The following ZNF398 variants were observed in gnomAD, a reference collection of about 807,000 sequenced individuals.
The protein encoded by ZNF398 is zinc finger protein 398.
ZNF398 carries 18 observed loss-of-function variants against 41.9 expected under a neutral mutation model. That is an observed-to-expected ratio of 0.43 (90% confidence interval 0.30 to 0.64). The LOEUF is 0.64. Among genes scored for constraint, ZNF398 ranks in the 30% least tolerant of loss-of-function variants. The pLI is 0.14. For missense variants in ZNF398, 669 were observed against 822.8 expected, an observed-to-expected ratio of 0.81 and a Z score of 2.29; for synonymous variants, 260 against 308.8, an observed-to-expected ratio of 0.84 and a Z score of 1.66.
At chr7:149,146,205 C>T (rs1311291873), upstream of ZNF398, among the ~76,000 whole-genome samples, 2 of 150,738 alleles carry the variant, frequency 1.3e-5, no homozygotes, top group African/African-American at 4.9e-5. Flanking sequence ...TCCCAAAGTG[C>T]TGGAATTACA....
At chr7:149,141,447 C>CCT (rs1554460571) in intron 2 of ZNF398, among the ~76,000 whole-genome samples, 1 of 116,816 alleles carries the variant, frequency 8.6e-6, no homozygotes, top group Non-Finnish European at 1.7e-5. Flanking sequence ...AGCTACTTTT[C>CCT]TTTTTTTTCT....
rs768172684 is a variant in ZNF398, at chr7:149,176,559, C to T, written c.753C>T (p.Asp251=). The T allele has an allele frequency of 7.5e-6, 12 of 1,610,148 alleles. No individual in the cohort carries two copies. In the African/African-American group the frequency reaches 9.4e-5, roughly 13 times the overall value. The part of the protein sequence containing the change: ...VGAPPESKES[D]VYKSTYADEE... ...CCCCACCGGAGTCCAAGGAGAGTGA[C>T]GTGTACAAAAGCACTTATGCTGGTG... The change falls in exon 5 of 6, where the codon GAC becomes GAT. Residue 251 remains aspartate, a synonymous_variant. Coordinates refer to ENST00000475153, the MANE Select transcript of ZNF398 (RefSeq NM_170686.3).
At position 149,141,208 on chromosome 7, in the gene ZNF398, A is replaced by T. The variant is rs192884538; in HGVS notation, c.-490+12264A>T. 1.8e-3 allele frequency among the ~76,000 whole-genome samples: 268 copies of T among 152,104 alleles called. 3 individuals are homozygous for T. The highest frequency in any genetic ancestry group is 5.9e-3 in the African/African-American group (246 of 41,520). On this transcript the variant is annotated intron_variant, in intron 2 of 6. Transcript: ENST00000426851. ...AATCATCTTTGAGTCATGATTAAAAATTTTTTTAAAAGAGAGTATGAAGAA... is the reference window on the plus strand; with the variant it reads ...AATCATCTTTGAGTCATGATTAAAATTTTTTTTAAAAGAGAGTATGAAGAA...
In ZNF398 at chr7:149,166,869, A is replaced by T. The variant is rs1795235533; in HGVS notation, c.600A>T (p.Glu200Asp). ...TATCTCAGATTCAACCAGAAGGGGA[A>T]CATAATACAGAGGACCAGGCAGGGC... The part of the protein sequence containing the change: ...DVLSQIQPEG[E>D]HNTEDQAGPE... Residue 200 changes from glutamate to aspartate, a missense_variant, in exon 4 of 6, where the codon GAA becomes GAT. Physicochemically the swap from Glu to Asp is conservative, Grantham distance 45 (BLOSUM62 2). This residue lies in a region of ZNF398 where 290 missense variants were observed against 292.9 expected (regional missense o/e 0.99). Transcript: ENST00000475153. 1 of 1,613,376 alleles carries T rather than the reference A, an allele frequency of 6.2e-7. No homozygotes were observed. The highest frequency in any genetic ancestry group is 8.5e-7 in the Non-Finnish European group (1 of 1,179,436).
At chr7:149,141,159 C>T (rs549345828) in intron 2 of ZNF398, among the ~76,000 whole-genome samples, 1 of 151,734 alleles carries the variant, frequency 6.6e-6, no homozygotes, top group Non-Finnish European at 1.5e-5. Flanking sequence ...TCATCTACAA[C>T]ACATATATGA....
At position 149,181,792 on chromosome 7, in the gene ZNF398, T is replaced by C. The variant is rs1218739450; in HGVS notation, c.*1991T>C. 1 of 152,172 alleles carries C rather than the reference T, an allele frequency of 6.6e-6. No individual in the cohort carries two copies. Among genetic ancestry groups the C allele is most frequent in the African/African-American group, 2.4e-5 (1 of 41,422 alleles). The allele number at this position is 152,172 out of a possible 1,614,324, so 9.4% of individuals were successfully genotyped here. A position where few individuals can be genotyped will look rare whatever the true frequency, so the allele number is the denominator to read the frequency against. On this transcript the variant is annotated 3_prime_UTR_variant, in exon 6 of 6. Transcript: ENST00000475153. ...CCCTAGCATATTGGGATTAAGAGCT[T>C]TCTAGCCAGAATCTGGACCTATACC...
At chr7:149,161,671 G>A (rs1340693711) in intron 2 of ZNF398, among the ~76,000 whole-genome samples, 7 of 152,118 alleles carry the variant, frequency 4.6e-5, no homozygotes, top group Admixed American at 2.6e-4. Context: ...ACATAAAGTC[G>A]CAAAAAGTAC....
At position 149,148,863 on chromosome 7, in the gene ZNF398, CTTTTTTTTTTTTTTT is replaced by C. The variant is rs59895177; in HGVS notation, c.24+1111_24+1125del. On this transcript the variant is annotated intron_variant, in intron 1 of 5. Transcript: ENST00000475153. ...TTTATGCACGGACCTTTTTCTTTGT[CTTTTTTTTTTTTTTT>C]TTTTTTTTTTTTTAGCTCATCAGCT... is the stretch of plus-strand genomic sequence containing the variant. Among the ~76,000 whole-genome samples, 29 of 63,284 alleles carry C rather than the reference CTTTTTTTTTTTTTTT, an allele frequency of 4.6e-4. 1 individual carries two copies. In the Admixed American group the frequency reaches 4.8e-3, roughly 10 times the overall value. The allele number at this position is 63,284 out of a possible 152,430, so 41.5% of individuals were successfully genotyped here. A position where few individuals can be genotyped will look rare whatever the true frequency, so the allele number is the denominator to read the frequency against.
chr7:149,148,379 G>GGGCGACCGA, intron 1 of ZNF398: 20 of 971,088 alleles, frequency 2.1e-5, no homozygotes, highest in Non-Finnish European at 2.4e-5. Flanking sequence ...CCAGTTGCCA[G>GGGCGACCGA]GGCGACCGAG....
At chr7:149,132,458 C>T (rs111532888) in intron 2 of ZNF398, among the ~76,000 whole-genome samples, 25 of 152,120 alleles carry the variant, frequency 1.6e-4, no homozygotes, top group African/African-American at 4.8e-4. Context: ...CCTCCCAAAG[C>T]GCTGGGAATA....
upstream of ZNF398, among the ~76,000 whole-genome samples, chr7:149,144,536 TG>T (rs1018676317): frequency 6.6e-6 from 1 of 152,154 alleles, no homozygotes; most frequent in African/African-American, 2.4e-5. Flanking sequence ...CTTGAATTCT[TG>T]GGCTCCAACA....
intron 4 of ZNF398, among the ~76,000 whole-genome samples, chr7:149,174,570 A>G (rs897087262): frequency 6.6e-6 from 1 of 152,108 alleles, no homozygotes; most frequent in Non-Finnish European, 1.5e-5. Context: ...CATGCCTATA[A>G]TCCCAGCACT....
Position 149,176,526 on chromosome 7 carries a change from G to T in ZNF398, c.720G>T (p.Gln240His). ...GGATTAAACAAGAAGAAGAGCCTCA[G>T]GTTGGGGCCCCACCGGAGTCCAAGG... is the stretch of plus-strand genomic sequence containing the variant. The part of the protein sequence containing the change: ...LSWIKQEEEP[Q>H]VGAPPESKES... The change falls in exon 5 of 6, where the codon CAG becomes CAT. Residue 240 changes from glutamine to histidine, a missense_variant. This residue lies in a region of ZNF398 where 290 missense variants were observed against 292.9 expected (regional missense o/e 0.99). Transcript: ENST00000475153. 1 of 1,613,440 alleles carries T rather than the reference G, an allele frequency of 6.2e-7. No individual in the cohort carries two copies. Among genetic ancestry groups the T allele is most frequent in the South Asian group, 1.1e-5 (1 of 90,960 alleles).
At chr7:149,142,667 AAAAC>A (rs1405325450), upstream of ZNF398, among the ~76,000 whole-genome samples, 12 of 152,304 alleles carry the variant, frequency 7.9e-5, no homozygotes, top group African/African-American at 2.2e-4. Context: ...ACTCCGTCTA[AAAAC>A]AAACAAACAA....
At chr7:149,162,128 A>T (rs945509369) in intron 2 of ZNF398, among the ~76,000 whole-genome samples, 2 of 151,166 alleles carry the variant, frequency 1.3e-5, no homozygotes, top group Non-Finnish European at 2.9e-5. Flanking sequence ...CTCAAGTGAG[A>T]CTCTTGACTC....
intron 4 of ZNF398, among the ~76,000 whole-genome samples, chr7:149,167,470 G>T (rs1260003583): frequency 6.6e-6 from 1 of 152,016 alleles, no homozygotes; most frequent in Non-Finnish European, 1.5e-5. Flanking sequence ...CAGTTTTATT[G>T]TTTCTCTCAT....
chr7:149,137,844 A>G (rs1031949179), intron 2 of ZNF398, among the ~76,000 whole-genome samples: 2 of 152,234 alleles, frequency 1.3e-5, no homozygotes. Flanking sequence ...CTGGAACCTA[A>G]ACGTATAAAT....
intron 1 of ZNF398, among the ~76,000 whole-genome samples, chr7:149,127,711 C>T (rs1036848137): frequency 1.3e-5 from 2 of 151,710 alleles, no homozygotes; most frequent in African/African-American, 4.9e-5. Flanking sequence ...AGGGAGACTC[C>T]ATCTCAAAAA....
intron 4 of ZNF398, among the ~76,000 whole-genome samples, chr7:149,174,782 C>T (rs555327662): frequency 2.0e-5 from 3 of 152,242 alleles, no homozygotes; most frequent in African/African-American, 4.8e-5. Context: ...GCCAAGATTA[C>T]GCCACTGTAG....
Sources: gnomAD v4.1 joint callset for allele counts (sites outside exome capture counted in the v4.1 genomes callset) on GRCh38, gnomAD v4.1.1 for gene constraint, gnomAD v4.1.1 regional missense constraint, MANE v1.5 for transcripts, NCBI Gene and HGNC (gene_info 2026-07-23, HGNC 2026-07-21) for gene names.